The following LINGO2 variants were observed in gnomAD, a reference collection of about 807,000 sequenced individuals.
The protein encoded by LINGO2 is leucine-rich repeat and immunoglobulin-like domain-containing nogo receptor-interacting protein 2.
LINGO2 carries 14 observed loss-of-function variants against 30.6 expected under a neutral mutation model. The observed-to-expected ratio is 0.46, with a 90% CI of 0.30 to 0.72. LINGO2 has a LOEUF of 0.72. LINGO2 is among the 30% of genes least tolerant of loss of function. LINGO2 has a pLI of 0.07. For synonymous variants in LINGO2, 317 were observed against 288.5 expected (o/e 1.10, Z -1.00); for missense variants, 729 against 751.7 (o/e 0.97, Z 0.35).
intron 1 of LINGO2, among the ~76,000 whole-genome samples, chr9:28,573,189 C>G (rs1521732): frequency 6.6e-6 from 1 of 151,874 alleles, no homozygotes; most frequent in African/African-American, 2.4e-5. Context: ...TAAATCTGAA[C>G]TTTATGTCAG....
chr9:28,930,791 C>T, the LINGO2 span, among the ~76,000 whole-genome samples: 2 of 152,174 alleles, frequency 1.3e-5, no homozygotes, highest in East Asian at 3.9e-4. This position sits in a 1 kb window ranked among gnomAD's most constrained non-coding sequence, Gnocchi z 4.2. Flanking sequence ...CTTCACAGTC[C>T]GGATTTAAGA....
chr9:28,040,050 C>T (rs939558597), intron 4 of LINGO2, among the ~76,000 whole-genome samples: 6 of 152,184 alleles, frequency 3.9e-5, no homozygotes, highest in African/African-American at 9.6e-5. Flanking sequence ...CTATTTTCAT[C>T]CTGGGAGACT....
At chr9:28,461,066 A>C (rs1444182083) in intron 2 of LINGO2, among the ~76,000 whole-genome samples, 1 of 152,116 alleles carries the variant, frequency 6.6e-6, no homozygotes, top group Non-Finnish European at 1.5e-5. Flanking sequence ...CTTTATCATC[A>C]TAGTCTTTTT....
intron 4 of LINGO2, among the ~76,000 whole-genome samples, chr9:28,022,287 C>T (rs1027109306): frequency 2.0e-5 from 3 of 152,054 alleles, no homozygotes; most frequent in Non-Finnish European, 4.4e-5. Context: ...ATTCATTTCA[C>T]TCGTCCTATC....
chr9:28,005,578 C>G (rs1375225121), intron 5 of LINGO2, among the ~76,000 whole-genome samples: 6 of 151,986 alleles, frequency 3.9e-5, no homozygotes, highest in Non-Finnish European at 8.8e-5. Flanking sequence ...GAAGTTCAAT[C>G]TTTTCTTTTT....
intron 5 of LINGO2, among the ~76,000 whole-genome samples, chr9:27,990,413 G>T (rs1366009785): frequency 1.3e-5 from 2 of 150,514 alleles, no homozygotes; most frequent in East Asian, 3.9e-4. Context: ...TTTTAGAAAT[G>T]TTGCTGAGCT....
At chr9:29,057,373 T>C in the LINGO2 span, among the ~76,000 whole-genome samples, 8 of 152,178 alleles carry the variant, frequency 5.3e-5, no homozygotes, top group Non-Finnish European at 1.0e-4. Flanking sequence ...TGTCTCTACC[T>C]GTGTCAATAA....
chr9:28,472,135 G>A (rs994038103), intron 2 of LINGO2, among the ~76,000 whole-genome samples: 2 of 151,954 alleles, frequency 1.3e-5, no homozygotes, highest in African/African-American at 4.8e-5. Flanking sequence ...TATTACACAG[G>A]TTTGTAGACA....
chr9:28,234,713 C>T (rs1018789221), intron 4 of LINGO2, among the ~76,000 whole-genome samples: 3 of 152,200 alleles, frequency 2.0e-5, no homozygotes, highest in Non-Finnish European at 4.4e-5. Flanking sequence ...TTACCAGGGC[C>T]TCTTGTGCCT....
chr9:28,392,969 G>A (rs747295163), intron 2 of LINGO2, among the ~76,000 whole-genome samples: 1 of 152,186 alleles, frequency 6.6e-6, no homozygotes, highest in African/African-American at 2.4e-5. Flanking sequence ...ATGGTGCTGA[G>A]GGAGAATATG....
intron 3 of LINGO2, among the ~76,000 whole-genome samples, chr9:28,363,048 A>G (rs1198176112): frequency 6.6e-6 from 1 of 152,140 alleles, no homozygotes; most frequent in Non-Finnish European, 1.5e-5. Context: ...AATAACATCA[A>G]TTGAGTATCT....
chr9:28,787,636 T>C, the LINGO2 span, among the ~76,000 whole-genome samples: 1 of 152,176 alleles, frequency 6.6e-6, no homozygotes, highest in Non-Finnish European at 1.5e-5. Context: ...CTTAGTAATC[T>C]GTTTCACATT....
At chr9:28,038,646 T>C (rs1824056913) in intron 4 of LINGO2, among the ~76,000 whole-genome samples, 1 of 149,510 alleles carries the variant, frequency 6.7e-6, no homozygotes, top group Non-Finnish European at 1.5e-5. Flanking sequence ...TGAGCCGAGA[T>C]TGCACCACTG....
At chr9:28,947,263 T>A in the LINGO2 span, among the ~76,000 whole-genome samples, 1 of 152,074 alleles carries the variant, frequency 6.6e-6, no homozygotes, top group African/African-American at 2.4e-5. Context: ...TTACAACTCT[T>A]CATGGATAGT....
At chr9:28,995,275 A>T in the LINGO2 span, among the ~76,000 whole-genome samples, 1 of 152,368 alleles carries the variant, frequency 6.6e-6, no homozygotes, top group South Asian at 2.1e-4. Flanking sequence ...AAAAATGCTC[A>T]CCATCACTGG....
At chr9:28,248,187 T>G (rs1337631804) in intron 4 of LINGO2, among the ~76,000 whole-genome samples, 1 of 152,176 alleles carries the variant, frequency 6.6e-6, no homozygotes, top group African/African-American at 2.4e-5. Flanking sequence ...TCACAATAGT[T>G]AAGATTTGGA....
chr9:27,978,195 A>G lies in LINGO2; in HGVS notation c.-35-27489T>C, dbSNP rs573746148. Among the ~76,000 whole-genome samples the G allele has an allele frequency of 1.2e-4, 19 of 152,180 alleles. No homozygotes were observed. The South Asian group carries it at 3.3e-3, about 27-fold the overall frequency. ...GGCGCTGATCCTATCCTGAATTCTA[A>G]GAACTTTTAAGCCTTCTTTAGATTC... On this transcript the variant is annotated intron_variant, in intron 5 of 5. Coordinates refer to ENST00000379992, the Ensembl canonical transcript of LINGO2.
At chr9:28,594,414 G>T (rs1222087970) in intron 1 of LINGO2, among the ~76,000 whole-genome samples, 1 of 152,030 alleles carries the variant, frequency 6.6e-6, no homozygotes, top group African/African-American at 2.4e-5. Context: ...TTGGTTTAGA[G>T]ATTCTTTCTT....
chr9:28,820,012 C>T, the LINGO2 span, among the ~76,000 whole-genome samples: 2 of 152,090 alleles, frequency 1.3e-5, no homozygotes, highest in South Asian at 4.1e-4. Context: ...ATTCTAATTT[C>T]CTGGACATTT....
Sources: allele counts gnomAD v4.1 joint callset (sites outside exome capture counted in the v4.1 genomes callset), GRCh38; gene constraint gnomAD v4.1.1; non-coding constraint Gnocchi (gnomAD v3.1); transcripts MANE v1.5; gene names NCBI Gene and HGNC (gene_info 2026-07-23, HGNC 2026-07-21).